The following ANO3 variants were observed in gnomAD, a reference collection of about 807,000 sequenced individuals.
ANO3 encodes the protein anoctamin-3.
Under a neutral mutation model 144.8 loss-of-function variants are expected in ANO3, and 99 were observed. The ratio of observed to expected loss-of-function variants is 0.68; its 90% CI spans 0.58 to 0.81. The LOEUF (loss-of-function observed/expected upper bound fraction) is 0.81. ANO3 is among the 30% of genes least tolerant of loss of function. ANO3 has a pLI of 0.00. For synonymous variants in ANO3, 414 were observed against 392.6 expected, an observed-to-expected ratio of 1.05 and a Z score of -0.64; for missense variants, 905 against 1,202.2, an observed-to-expected ratio of 0.75 and a Z score of 3.66.
rs1853930477 is a variant in ANO3 at position 26,663,288 on chromosome 11, T to C, written c.*2844T>C. 1 of 152,062 alleles carries C rather than the reference T, an allele frequency of 6.6e-6. No homozygotes were observed. Among genetic ancestry groups the C allele is most frequent in the African/African-American group, 2.4e-5 (1 of 41,438 alleles). 9.4% of individuals were successfully genotyped at this position (152,062 alleles called of 1,614,324 possible). Reference sequence around the variant, plus strand: ...CTCAATAAATTATTATTTGATATGGTATTTTCCCTATAATTTGCATGTTAA... The same window carrying C: ...CTCAATAAATTATTATTTGATATGGCATTTTCCCTATAATTTGCATGTTAA... On this transcript the variant is annotated 3_prime_UTR_variant, in exon 27 of 27. Transcript: ENST00000256737.
chr11:26,212,492 A>T lies in ANO3; in HGVS notation c.154+23162A>T, dbSNP rs529070595. Among the ~76,000 whole-genome samples the T allele has an allele frequency of 9.2e-5, 14 of 152,242 alleles. No individual in the cohort carries two copies. In the South Asian group the frequency reaches 2.9e-3, roughly 32 times the overall value. On this transcript the variant is annotated intron_variant, in intron 1 of 27. Coordinates refer to the ANO3 transcript ENST00000672621. ...ATTGAAATACAAACTACCATCAGAGAATACTATAAATACCTCTATGCAAAT... is the reference window on the plus strand; with the variant it reads ...ATTGAAATACAAACTACCATCAGAGTATACTATAAATACCTCTATGCAAAT...
intron 1 of ANO3, among the ~76,000 whole-genome samples, chr11:26,268,542 T>A (rs571408429): frequency 6.6e-6 from 1 of 152,280 alleles, no homozygotes; most frequent in East Asian, 1.9e-4. Context: ...AAAACAAAAG[T>A]ATCTTCTGAA....
intron 1 of ANO3, among the ~76,000 whole-genome samples, chr11:26,249,050 G>A (rs575037908): frequency 3.9e-5 from 6 of 152,220 alleles, no homozygotes; most frequent in South Asian, 4.1e-4. Context: ...GGAGACTGTC[G>A]CTTTAGATGT....
intron 1 of ANO3, among the ~76,000 whole-genome samples, chr11:26,372,598 T>C (rs907313680): frequency 2.0e-5 from 3 of 152,242 alleles, no homozygotes; most frequent in Non-Finnish European, 2.9e-5. Context: ...TTATTTTCTT[T>C]ATCAAAGAAA....
At chr11:26,460,900 G>A (rs1393989843) in intron 3 of ANO3, among the ~76,000 whole-genome samples, 2 of 152,038 alleles carry the variant, frequency 1.3e-5, no homozygotes, top group Non-Finnish European at 2.9e-5. Context: ...GACCCTTAGA[G>A]ACTTGGGAAA....
chr11:26,251,657 A>G (rs948521543), intron 1 of ANO3, among the ~76,000 whole-genome samples: 3 of 152,220 alleles, frequency 2.0e-5, no homozygotes, highest in African/African-American at 7.2e-5. Flanking sequence ...TAATTTATAA[A>G]GAAAAGAGGG....
chr11:26,355,367 C>T (rs1025405667), intron 1 of ANO3, among the ~76,000 whole-genome samples: 3 of 151,904 alleles, frequency 2.0e-5, no homozygotes, highest in African/African-American at 7.3e-5. Context: ...TAGCATTATT[C>T]TGCTGCTGAC....
intron 1 of ANO3, chr11:26,427,485 T>C (rs1400460346): frequency 6.6e-6 from 1 of 152,160 alleles, no homozygotes; most frequent in African/African-American, 2.4e-5. Context: ...CTCTTGCTTT[T>C]GCTGGTCTGG....
chr11:26,378,555 A>G (rs1590309088), intron 1 of ANO3, among the ~76,000 whole-genome samples: 1 of 152,000 alleles, frequency 6.6e-6, no homozygotes, highest in East Asian at 1.9e-4. Flanking sequence ...GAAAATTTAA[A>G]AAATTAAAAT....
At position 26,509,322 on chromosome 11, in the gene ANO3, T is replaced by C. The variant is rs568894874; in HGVS notation, c.591+1060T>C. Among the ~76,000 whole-genome samples the C allele has an allele frequency of 1.4e-4, 21 of 152,064 alleles. No individual in the cohort carries two copies. In the South Asian group the frequency reaches 4.4e-3, roughly 32 times the overall value. ...CCTAAACCTAAGTTACTTTTTTTCT[T>C]TTTTTTTCTGTGAGACTGAGTCTCA... is the stretch of plus-strand genomic sequence containing the variant. On this transcript the variant is annotated intron_variant, in intron 5 of 26. Coordinates refer to ENST00000256737, the MANE Select transcript of ANO3 (RefSeq NM_031418.4).
chr11:26,548,365 G>T (rs183565128), intron 12 of ANO3, among the ~76,000 whole-genome samples: 1 of 151,758 alleles, frequency 6.6e-6, no homozygotes, highest in East Asian at 1.9e-4. Context: ...AATATATCAC[G>T]AGTATATTAT....
At chr11:26,398,516 A>G (rs1448127061) in intron 1 of ANO3, among the ~76,000 whole-genome samples, 1 of 152,118 alleles carries the variant, frequency 6.6e-6, no homozygotes, top group Non-Finnish European at 1.5e-5. Flanking sequence ...TTACTACATG[A>G]ATGTTCATTG....
At chr11:26,629,938 G>T (rs1209256305) in intron 18 of ANO3, among the ~76,000 whole-genome samples, 1 of 152,108 alleles carries the variant, frequency 6.6e-6, no homozygotes, top group African/African-American at 2.4e-5. Flanking sequence ...GCCTAAATCT[G>T]CTATATTTTA....
In ANO3 at chr11:26,256,481, C is replaced by A. The variant is rs1853058884; in HGVS notation, c.155-53164C>A. Among the ~76,000 whole-genome samples the A allele has an allele frequency of 2.0e-5, 3 of 152,068 alleles. No homozygotes were observed. The South Asian group carries it at 6.2e-4, about 31-fold the overall frequency. On this transcript the variant is annotated intron_variant, in intron 1 of 27. Coordinates refer to the ANO3 transcript ENST00000672621. ...TTAATAAGAAACTTGGTAGTTTTAG[C>A]AATTTATAGATGCAGTCTTTAATTT... is the stretch of plus-strand genomic sequence containing the variant.
intron 4 of ANO3, chr11:26,473,902 AAAT>A (rs1859868747): frequency 2.0e-6 from 2 of 983,192 alleles, no homozygotes; most frequent in Non-Finnish European, 2.4e-6. Context: ...CTTTAAAAAA[AAAT>A]GATTATTCAA....
At chr11:26,641,823 T>A in intron 21 of ANO3, 73 bp from the exon 22 acceptor site, 1 of 1,395,744 alleles carries the variant, frequency 7.2e-7, no homozygotes, top group Non-Finnish European at 9.4e-7. Context: ...TACTCATTTC[T>A]TAATTCACTA....
At chr11:26,268,744 A>G (rs1853371402) in intron 1 of ANO3, among the ~76,000 whole-genome samples, 2 of 152,300 alleles carry the variant, frequency 1.3e-5, no homozygotes, top group African/African-American at 2.4e-5. Flanking sequence ...GCTGAGCTGC[A>G]TTCAGCTGAG....
intron 1 of ANO3, among the ~76,000 whole-genome samples, chr11:26,362,818 A>G (rs939436841): frequency 6.6e-6 from 1 of 152,212 alleles, no homozygotes. Flanking sequence ...GGTGTCATAT[A>G]TACCTTCTTT....
rs796790088 is a variant in ANO3, at chr11:26,602,206, G to A, written c.1836+2492G>A. 3.9e-5 allele frequency among the ~76,000 whole-genome samples: 6 copies of A among 152,220 alleles called. 1 individual carries two copies. Among genetic ancestry groups the A allele is most frequent in the African/African-American group, 1.2e-4 (5 of 41,544 alleles). On this transcript the variant is annotated intron_variant, in intron 17 of 26. Transcript: ENST00000256737. ...AGAAATGCATGTTCTTTGCCCTAAG[G>A]AAATAATGGGAAGTGTCTGTGAAGC...
Sources: gnomAD v4.1 joint callset for allele counts (sites outside exome capture counted in the v4.1 genomes callset) on GRCh38, gnomAD v4.1.1 for gene constraint, MANE v1.5 for transcripts, NCBI Gene and HGNC (gene_info 2026-07-23, HGNC 2026-07-21) for gene names.